The following PKHD1 variants were observed in gnomAD, a reference collection of about 807,000 sequenced individuals.
The protein encoded by PKHD1 is fibrocystin.
PKHD1 carries 291 observed loss-of-function variants against 412.0 expected under a neutral mutation model. The ratio of observed to expected loss-of-function variants is 0.71; its 90% CI spans 0.64 to 0.78. The LOEUF (loss-of-function observed/expected upper bound fraction) is 0.78, where lower values mean the gene tolerates loss of function less well. Among genes scored for constraint, PKHD1 ranks in the 30% least tolerant of loss-of-function variants. PKHD1 has a pLI of 0.00. For synonymous variants in PKHD1, 1,777 were observed against 1,821.5 expected, an observed-to-expected ratio of 0.98 and a Z score of 0.62; for missense variants, 4,825 against 4,950.7, an observed-to-expected ratio of 0.97 and a Z score of 0.76.
At chr6:52,035,050 G>A (rs1264065575) in intron 28 of PKHD1, among the ~76,000 whole-genome samples, 1 of 152,066 alleles carries the variant, frequency 6.6e-6, no homozygotes, top group African/African-American at 2.4e-5. Flanking sequence ...CCCTTAATAG[G>A]CCATGATATA....
rs1794302254 is a variant in PKHD1 at position 51,794,599 on chromosome 6, C to T, written c.8303-3226G>A. On this transcript the variant is annotated intron_variant, in intron 52 of 66. Transcript: ENST00000371117. ...TTCATCATGAAATCTTCACCTGTGC[C>T]TTTGTCCTGAATGGTATTGCCTAAA... is the stretch of plus-strand genomic sequence containing the variant. 2.0e-5 allele frequency among the ~76,000 whole-genome samples: 3 copies of T among 152,128 alleles called. No individual in the cohort carries two copies. The South Asian group carries it at 6.2e-4, about 32-fold the overall frequency.
intron 53 of PKHD1, among the ~76,000 whole-genome samples, chr6:51,786,867 C>A (rs1162809774): frequency 6.6e-6 from 1 of 152,200 alleles, no homozygotes; most frequent in Non-Finnish European, 1.5e-5. Flanking sequence ...ATGTGAAATT[C>A]TTTAAGCTTA....
chr6:51,783,037 G>A (rs1303673452), intron 53 of PKHD1, among the ~76,000 whole-genome samples: 1 of 152,120 alleles, frequency 6.6e-6, no homozygotes, highest in Non-Finnish European at 1.5e-5. Context: ...TCAAAGGCAC[G>A]TGCTAATGAT....
At chr6:51,991,348 C>T (rs553442388) in intron 35 of PKHD1, among the ~76,000 whole-genome samples, 1 of 152,278 alleles carries the variant, frequency 6.6e-6, no homozygotes, top group Admixed American at 6.5e-5. Context: ...CCCTAGATGC[C>T]TCACGCCTTC....
rs538856598 is a variant in PKHD1 at position 51,798,208 on chromosome 6, G to A, written c.8303-6835C>T. Among the ~76,000 whole-genome samples the A allele has an allele frequency of 1.4e-3, 206 of 152,066 alleles. 2 individuals carry two copies. In the Middle Eastern group the frequency reaches 0.014, roughly 10 times the overall value. ...AGCCTGGCCAACATGGCAAAACCTC[G>A]TCTCTACTAAAAATACAAAAATTAG... On this transcript the variant is annotated intron_variant, in intron 52 of 66. Coordinates refer to ENST00000371117, the MANE Select transcript of PKHD1 (RefSeq NM_138694.4).
intron 64 of PKHD1, among the ~76,000 whole-genome samples, chr6:51,633,205 T>C (rs1368696465): frequency 2.0e-5 from 3 of 152,124 alleles, no homozygotes; most frequent in Non-Finnish European, 4.4e-5. Flanking sequence ...TCTGGAAAAC[T>C]AGGACTAGAA....
At chr6:51,884,276 C>T (rs960961944) in intron 45 of PKHD1, among the ~76,000 whole-genome samples, 1 of 152,116 alleles carries the variant, frequency 6.6e-6, no homozygotes, top group Non-Finnish European at 1.5e-5. Flanking sequence ...GTTGAAAAGA[C>T]TATATTTCCC....
intron 27 of PKHD1, among the ~76,000 whole-genome samples, chr6:52,042,084 C>T (rs1804986485): frequency 6.6e-6 from 1 of 152,182 alleles, no homozygotes; most frequent in Non-Finnish European, 1.5e-5. Context: ...CTCTGAGCTC[C>T]ATATATCATC....
intron 18 of PKHD1, among the ~76,000 whole-genome samples, chr6:52,056,224 A>T (rs572557912): frequency 6.6e-6 from 1 of 152,236 alleles, no homozygotes; most frequent in Non-Finnish European, 1.5e-5. Context: ...AAGCAAAAAG[A>T]CAAGGAATAT....
chr6:51,968,249 A>T (rs1793137430), intron 35 of PKHD1, among the ~76,000 whole-genome samples: 1 of 152,224 alleles, frequency 6.6e-6, no homozygotes, highest in African/African-American at 2.4e-5. Flanking sequence ...AAATTTTTTT[A>T]CAGAAACAAA....
At chr6:51,807,479 A>ATATGTGTG (rs1451342734) in intron 52 of PKHD1, among the ~76,000 whole-genome samples, 14 of 103,484 alleles carry the variant, frequency 1.4e-4, no homozygotes, top group African/African-American at 6.5e-4. Context: ...ATATATATAT[A>ATATGTGTG]TGTATATGTG....
chr6:51,818,755 G>T (rs4715245), intron 52 of PKHD1, among the ~76,000 whole-genome samples: 140,213 of 152,218 alleles, frequency 0.92, 65,722 homozygotes, highest in East Asian at 1. Flanking sequence ...TGTCATGTGA[G>T]AAATAAAAGA....
At chr6:51,797,752 C>G (rs762925460) in intron 52 of PKHD1, among the ~76,000 whole-genome samples, 5 of 152,082 alleles carry the variant, frequency 3.3e-5, no homozygotes, top group African/African-American at 7.2e-5. Flanking sequence ...GGTTCTTTAT[C>G]CAGCTTTAAA....
In PKHD1 at chr6:51,632,658, T is replaced by G. The variant is rs1180404523; in HGVS notation, c.11572A>C (p.Thr3858Pro). ...VLPVTRKEKSTIILAASLSSV... is the reference protein window; with the variant it reads ...VLPVTRKEKSPIILAASLSSV... ...GACAGGGAAGCAGCCAGGATGATGG[T>G]CGACTTCTCCTTCCTAGTCACAGGC... is the stretch of plus-strand genomic sequence containing the variant. The change falls in exon 65 of 67, where the codon ACC becomes CCC. Residue 3858 changes from threonine (T) to proline (P), a missense_variant. Transcript: ENST00000371117. 2.5e-6 allele frequency: 4 copies of G among 1,613,458 alleles called. No individual in the cohort carries two copies. The highest frequency in any genetic ancestry group is 3.4e-6 in the Non-Finnish European group (4 of 1,179,574).
intron 43 of PKHD1, among the ~76,000 whole-genome samples, chr6:51,892,963 T>C (rs1779337167): frequency 2.6e-5 from 4 of 152,176 alleles, no homozygotes; most frequent in African/African-American, 7.2e-5. Context: ...TCAGTCACGA[T>C]TACACAACAC....
intron 52 of PKHD1, among the ~76,000 whole-genome samples, chr6:51,823,870 G>A (rs9463721): frequency 0.42 from 64,342 of 151,902 alleles, 14,410 homozygotes; most frequent in Middle Eastern, 0.61. Flanking sequence ...CGTTTGAATC[G>A]TGGTCATTGC....
chr6:51,934,013 C>T (rs1787064309), intron 37 of PKHD1, 97 bp downstream of exon 37: 4 of 917,690 alleles, frequency 4.4e-6, no homozygotes, highest in South Asian at 2.7e-5. Flanking sequence ...ACCTGGTTGG[C>T]TCAGCAACTA....
At chr6:52,026,993 G>A (rs1802286448) in intron 31 of PKHD1, among the ~76,000 whole-genome samples, 1 of 152,122 alleles carries the variant, frequency 6.6e-6, no homozygotes, top group South Asian at 2.1e-4. Context: ...CATTCTTTCT[G>A]AAAATAGTTT....
intron 37 of PKHD1, among the ~76,000 whole-genome samples, chr6:51,929,311 C>T (rs933349648): frequency 6.6e-6 from 1 of 152,224 alleles, no homozygotes; most frequent in Non-Finnish European, 1.5e-5. Context: ...ATCCATACAC[C>T]ACAGCTAAAA....
Sources: gnomAD v4.1 joint callset for allele counts (sites outside exome capture counted in the v4.1 genomes callset) on GRCh38, gnomAD v4.1.1 for gene constraint, MANE v1.5 for transcripts, NCBI Gene and HGNC (gene_info 2026-07-23, HGNC 2026-07-21) for gene names.